The following RNLS variants were observed in gnomAD, a reference collection of about 807,000 sequenced individuals.
The protein encoded by RNLS is renalase.
In RNLS, 39 loss-of-function variants were observed where a neutral mutation model predicts 39.8. The ratio of observed to expected loss-of-function variants is 0.98; its 90% confidence interval spans 0.76 to 1.28. The LOEUF is 1.28. Ranked by LOEUF, RNLS falls within the 50% of genes most tolerant of loss-of-function variation. The pLI is 0.00. For synonymous variants in RNLS, 147 were observed against 150.7 expected (o/e 0.98, Z 0.18); for missense variants, 410 against 413.3 (o/e 0.99, Z 0.07).
intron 4 of RNLS, among the ~76,000 whole-genome samples, chr10:88,366,583 T>C (rs1850116995): frequency 6.8e-6 from 1 of 148,034 alleles, no homozygotes; most frequent in African/African-American, 2.5e-5. Context: ...CATGCTAATG[T>C]TCCTGATCAC....
chr10:88,383,019 G>A (rs1851646338), intron 4 of RNLS, among the ~76,000 whole-genome samples: 1 of 152,040 alleles, frequency 6.6e-6, no homozygotes, highest in Non-Finnish European at 1.5e-5. Context: ...TAAACCTATA[G>A]TGACTCATAT....
intron 5 of RNLS, among the ~76,000 whole-genome samples, chr10:88,316,664 A>C (rs1845786320): frequency 6.6e-6 from 1 of 152,196 alleles, no homozygotes. Flanking sequence ...AAGACCAGTG[A>C]TGGTGTGATG....
intron 3 of RNLS, among the ~76,000 whole-genome samples, chr10:88,581,114 C>T (rs987564487): frequency 5.9e-5 from 9 of 151,762 alleles, no homozygotes; most frequent in Non-Finnish European, 1.2e-4. Flanking sequence ...AGTGATGGTA[C>T]GCATATGTCA....
At chr10:88,382,744 A>G (rs1455395878) in intron 4 of RNLS, among the ~76,000 whole-genome samples, 1 of 152,092 alleles carries the variant, frequency 6.6e-6, no homozygotes, top group African/African-American at 2.4e-5. Context: ...GTTGACAGAT[A>G]TAGCTGATAC....
intron 4 of RNLS, among the ~76,000 whole-genome samples, chr10:88,381,286 A>G (rs996893864): frequency 1.3e-5 from 2 of 152,156 alleles, no homozygotes; most frequent in African/African-American, 4.8e-5. Flanking sequence ...CCATATATCC[A>G]GGTCATTTTG....
chr10:88,271,095 G>A (rs1842638244), downstream of RNLS, among the ~76,000 whole-genome samples: 1 of 152,174 alleles, frequency 6.6e-6, no homozygotes, highest in Admixed American at 6.5e-5. Context: ...TCTTTGGCTT[G>A]TGGTACTGGA....
intron 4 of RNLS, among the ~76,000 whole-genome samples, chr10:88,373,701 G>A (rs935865614): frequency 1.3e-5 from 2 of 151,860 alleles, no homozygotes; most frequent in Non-Finnish European, 2.9e-5. Flanking sequence ...GTAAAATATT[G>A]TTCATTTTTC....
At chr10:88,361,666 G>A (rs1442723450) in intron 5 of RNLS, among the ~76,000 whole-genome samples, 1 of 152,076 alleles carries the variant, frequency 6.6e-6, no homozygotes, top group African/African-American at 2.4e-5. Flanking sequence ...CCATACTCCA[G>A]CCCAGTTCTA....
intron 4 of RNLS, among the ~76,000 whole-genome samples, chr10:88,512,589 A>G (rs890911975): frequency 3.9e-5 from 6 of 152,146 alleles, no homozygotes; most frequent in Non-Finnish European, 8.8e-5. Context: ...AACATCACCT[A>G]TGGCTCCTAA....
At chr10:88,479,322 C>A (rs1844014573) in intron 4 of RNLS, among the ~76,000 whole-genome samples, 1 of 152,086 alleles carries the variant, frequency 6.6e-6, no homozygotes, top group Non-Finnish European at 1.5e-5. Context: ...ACAAATAAAC[C>A]TTGGCAGCTA....
chr10:88,386,209 C>T (rs774484421), intron 4 of RNLS, among the ~76,000 whole-genome samples: 2 of 152,152 alleles, frequency 1.3e-5, no homozygotes, highest in African/African-American at 2.4e-5. Context: ...TGCTTAGGAC[C>T]AACTCCATGT....
chr10:88,375,429 A>G (rs892416246), intron 4 of RNLS, among the ~76,000 whole-genome samples: 2 of 152,196 alleles, frequency 1.3e-5, no homozygotes, highest in Non-Finnish European at 2.9e-5. Context: ...TCCAATATAA[A>G]TAGAAACATT....
chr10:88,447,104 C>A (rs964120378), intron 4 of RNLS, among the ~76,000 whole-genome samples: 2 of 152,060 alleles, frequency 1.3e-5, no homozygotes, highest in African/African-American at 2.4e-5. Context: ...AACTGGCACA[C>A]GACAGGGATG....
intron 6 of RNLS, among the ~76,000 whole-genome samples, chr10:88,295,277 C>T (rs1843998849): frequency 6.6e-6 from 1 of 151,996 alleles, no homozygotes; most frequent in Non-Finnish European, 1.5e-5. Flanking sequence ...TTTTAGGTAT[C>T]CTTCTTTGAT....
chr10:88,483,299 AT>A (rs1683098740), intron 4 of RNLS, among the ~76,000 whole-genome samples: 1 of 152,174 alleles, frequency 6.6e-6, no homozygotes, highest in Non-Finnish European at 1.5e-5. Context: ...TGGGAAAAGC[AT>A]CTTCAAGCCC....
intron 4 of RNLS, among the ~76,000 whole-genome samples, chr10:88,491,458 A>G (rs1388922758): frequency 1.3e-5 from 2 of 152,154 alleles, no homozygotes; most frequent in Non-Finnish European, 2.9e-5. Flanking sequence ...TTATAAACCT[A>G]TAAAAACTAG....
chr10:88,398,147 C>T (rs991963125), intron 4 of RNLS, among the ~76,000 whole-genome samples: 1 of 151,982 alleles, frequency 6.6e-6, no homozygotes, highest in South Asian at 2.1e-4. Context: ...ACTCATAGAT[C>T]CCAAAAGAAG....
chr10:88,571,626 G>C (rs1849844901), intron 4 of RNLS, among the ~76,000 whole-genome samples: 1 of 152,156 alleles, frequency 6.6e-6, no homozygotes, highest in East Asian at 1.9e-4. Context: ...AGCTAACTGA[G>C]CAAGTGCAAC....
chr10:88,296,933 G>A (rs553148864), intron 6 of RNLS, among the ~76,000 whole-genome samples: 1 of 152,220 alleles, frequency 6.6e-6, no homozygotes, highest in Admixed American at 6.5e-5. Flanking sequence ...CTTTCACTGA[G>A]ATAATGCTTC....
Sources: gnomAD v4.1 joint callset for allele counts (sites outside exome capture counted in the v4.1 genomes callset) on GRCh38, gnomAD v4.1.1 for gene constraint, MANE v1.5 for transcripts, NCBI Gene and HGNC (gene_info 2026-07-23, HGNC 2026-07-21) for gene names.